COL25A1: variants seen among roughly 807,000 people sequenced by gnomAD.
The protein encoded by COL25A1 is collagen type XXV alpha 1 chain.
A neutral mutation model predicts 128.4 loss-of-function variants in COL25A1; 103 were observed. The observed-to-expected ratio is 0.80, with a 90% CI of 0.68 to 0.94. COL25A1 has a LOEUF of 0.94. COL25A1 is among the 40% of genes least tolerant of loss of function. The probability of loss-of-function intolerance (pLI) is 0.00; values close to 1 mark genes in which losing one functional copy is unlikely to be tolerated. For missense variants in COL25A1, 745 were observed against 840.0 expected, an observed-to-expected ratio of 0.89 and a Z score of 1.40; for synonymous variants, 279 against 277.2, an observed-to-expected ratio of 1.01 and a Z score of -0.06.
chr4:109,200,585 G>T, intron 3 of COL25A1, among the ~76,000 whole-genome samples: 1 of 151,710 alleles, frequency 6.6e-6, no homozygotes, highest in Non-Finnish European at 1.5e-5. Flanking sequence ...AGCCTAGCTG[G>T]GACTGCATGT....
chr4:109,249,737 T>C (rs1371696517), intron 3 of COL25A1, among the ~76,000 whole-genome samples: 1 of 152,190 alleles, frequency 6.6e-6, no homozygotes, highest in African/African-American at 2.4e-5. Context: ...TACTAAAATC[T>C]TACATATTCA....
At chr4:109,150,091 A>ATGTG (rs141897068) in intron 3 of COL25A1, among the ~76,000 whole-genome samples, 7 of 150,646 alleles carry the variant, frequency 4.6e-5, no homozygotes, top group Middle Eastern at 6.8e-3. Context: ...GTATGTCTGT[A>ATGTG]TGTGTGTGTG....
chr4:109,048,883 C>T (rs1760716708), intron 4 of COL25A1, among the ~76,000 whole-genome samples: 1 of 152,004 alleles, frequency 6.6e-6, no homozygotes, highest in Non-Finnish European at 1.5e-5. Context: ...TATCTGATTC[C>T]ACTAATGTTT....
chr4:109,232,525 G>A (rs1374688697), intron 3 of COL25A1, among the ~76,000 whole-genome samples: 1 of 152,102 alleles, frequency 6.6e-6, no homozygotes, highest in African/African-American at 2.4e-5. Context: ...ATGCATTTGT[G>A]TAGCTACCAA....
At chr4:109,207,872 T>C (rs192692220) in intron 3 of COL25A1, among the ~76,000 whole-genome samples, 4 of 152,314 alleles carry the variant, frequency 2.6e-5, no homozygotes, top group Non-Finnish European at 5.9e-5. Context: ...CAATAAAGTA[T>C]ACTCTATTAA....
At chr4:108,971,285 T>G (rs1751886222) in intron 8 of COL25A1, among the ~76,000 whole-genome samples, 1 of 152,174 alleles carries the variant, frequency 6.6e-6, no homozygotes, top group Admixed American at 6.5e-5. Context: ...CAACAAATAT[T>G]TATTGAATCT....
chr4:108,869,882 G>T (rs1199816241), intron 19 of COL25A1, among the ~76,000 whole-genome samples: 2 of 152,040 alleles, frequency 1.3e-5, no homozygotes, highest in African/African-American at 4.8e-5. Context: ...TCTTTCTAAG[G>T]CAGTAGTATT....
chr4:109,051,015 G>C (rs992246331), intron 3 of COL25A1, among the ~76,000 whole-genome samples: 1 of 151,930 alleles, frequency 6.6e-6, no homozygotes, highest in Non-Finnish European at 1.5e-5. Context: ...CATTTCCTTG[G>C]GCAGGAGTAG....
intron 3 of COL25A1, among the ~76,000 whole-genome samples, chr4:109,254,420 C>T (rs1244790663): frequency 7.2e-6 from 1 of 139,640 alleles, no homozygotes; most frequent in Non-Finnish European, 1.5e-5. Flanking sequence ...CTGTGGCCTG[C>T]GTTCACATAA....
intron 3 of COL25A1, among the ~76,000 whole-genome samples, chr4:109,135,292 C>T (rs983117869): frequency 1.1e-4 from 16 of 152,180 alleles, no homozygotes; most frequent in East Asian, 3.9e-4. Flanking sequence ...AGAAACTACT[C>T]TTTGAATAAA....
At chr4:109,294,241 T>C (rs760762913) in intron 3 of COL25A1, among the ~76,000 whole-genome samples, 7 of 152,082 alleles carry the variant, frequency 4.6e-5, no homozygotes, top group Non-Finnish European at 1.0e-4. Context: ...GGGAGGTGCC[T>C]GCCATCTGGT....
At chr4:108,871,961 T>C (rs999771449) in intron 19 of COL25A1, among the ~76,000 whole-genome samples, 3 of 152,204 alleles carry the variant, frequency 2.0e-5, no homozygotes, top group African/African-American at 7.2e-5. Flanking sequence ...TATTTCTTAC[T>C]TCCCTAAGCT....
chr4:108,849,207 GAAA>G (rs1735475602), intron 26 of COL25A1, among the ~76,000 whole-genome samples: 1 of 151,956 alleles, frequency 6.6e-6, no homozygotes, highest in African/African-American at 2.4e-5. Context: ...CAGTAAAAAG[GAAA>G]ACATAACAGT....
chr4:108,902,644 T>C (rs1001226537), intron 13 of COL25A1, among the ~76,000 whole-genome samples: 1 of 151,972 alleles, frequency 6.6e-6, no homozygotes, highest in South Asian at 2.1e-4. Context: ...GTGTCTAGAA[T>C]AGCGAAAAGT....
chr4:109,006,774 A>G (rs1756052626), intron 6 of COL25A1, among the ~76,000 whole-genome samples: 1 of 152,196 alleles, frequency 6.6e-6, no homozygotes, highest in Non-Finnish European at 1.5e-5. Context: ...ATGATAGATA[A>G]AATTTGTTTT....
At chr4:109,232,350 T>C (rs1045202365) in intron 3 of COL25A1, among the ~76,000 whole-genome samples, 11 of 114,494 alleles carry the variant, frequency 9.6e-5, no homozygotes, top group Non-Finnish European at 1.7e-4. Context: ...TCAATAAAAA[T>C]TACAAGATGA....
intron 8 of COL25A1, among the ~76,000 whole-genome samples, chr4:108,962,186 T>C (rs894129860): frequency 3.9e-4 from 52 of 132,560 alleles, no homozygotes; most frequent in African/African-American, 1.4e-3. Flanking sequence ...ACCTCGATTC[T>C]TTTTTTTTCT....
At chr4:109,066,266 C>A (rs1382829216) in intron 3 of COL25A1, among the ~76,000 whole-genome samples, 3 of 152,136 alleles carry the variant, frequency 2.0e-5, no homozygotes, top group Admixed American at 1.3e-4. Context: ...CCAAGTGCCT[C>A]TTTTTCTAAT....
chr4:109,213,248 G>A (rs1023912653), intron 3 of COL25A1, among the ~76,000 whole-genome samples: 1 of 152,098 alleles, frequency 6.6e-6, no homozygotes, highest in Non-Finnish European at 1.5e-5. Flanking sequence ...TATTTTTACT[G>A]AGATAATACT....
Sources: allele counts gnomAD v4.1 joint callset (sites outside exome capture counted in the v4.1 genomes callset), GRCh38; gene constraint gnomAD v4.1.1; transcripts MANE v1.5; gene names NCBI Gene and HGNC (gene_info 2026-07-23, HGNC 2026-07-21).